TSTD2: variants seen among roughly 807,000 people sequenced by gnomAD.
TSTD2 encodes thiosulfate sulfurtransferase/rhodanese-like domain-containing protein 2.
In TSTD2, 37 loss-of-function variants were observed where a neutral mutation model predicts 47.9. The observed-to-expected ratio is 0.77, with a 90% CI of 0.59 to 1.02. TSTD2 has a LOEUF of 1.02. TSTD2 is among the 50% of genes least tolerant of loss of function. TSTD2 has a pLI of 0.00. For missense variants in TSTD2, 586 were observed against 616.0 expected (o/e 0.95, Z 0.52); for synonymous variants, 201 against 215.9 (o/e 0.93, Z 0.61).
At position 97,600,547 on chromosome 9, in the gene TSTD2, G is replaced by A; in HGVS notation, c.*1922C>T. The A allele has an allele frequency of 1.0e-6, 1 of 985,828 alleles. No homozygotes were observed. Among genetic ancestry groups the A allele is most frequent in the Non-Finnish European group, 1.2e-6 (1 of 830,228 alleles). The allele number at this position is 985,828 out of a possible 1,614,324, so 61.1% of individuals were successfully genotyped here. ...TTTCTATATTGCACAGTGGGCAAAT[G>A]GCTTATGTGAGGTAAGACACTAGAG... On this transcript the variant is annotated 3_prime_UTR_variant, in exon 10 of 10. Transcript: ENST00000341170.
At chr9:97,606,307 C>A (rs767137952) in intron 6 of TSTD2, 46 bp from the exon 7 acceptor site, 10 of 1,254,440 alleles carry the variant, frequency 8.0e-6, no homozygotes, top group South Asian at 2.6e-5. Context: ...GACAAAAAAA[C>A]CAAAACCCAA....
intron 3 of TSTD2, among the ~76,000 whole-genome samples, chr9:97,622,160 G>A (rs1354932009): frequency 6.6e-6 from 1 of 152,198 alleles, no homozygotes; most frequent in African/African-American, 2.4e-5. Flanking sequence ...ATGGTTTCAT[G>A]GGCCAAACCC....
chr9:97,617,705 T>G (rs1826568960), intron 4 of TSTD2, 52 bp downstream of exon 4: 1 of 1,560,352 alleles, frequency 6.4e-7, no homozygotes, highest in South Asian at 1.2e-5. Flanking sequence ...CAATCCAAGG[T>G]TGGCAGGCAA....
At chr9:97,605,928 A>G (rs1826358443) in intron 7 of TSTD2, among the ~76,000 whole-genome samples, 1 of 152,206 alleles carries the variant, frequency 6.6e-6, no homozygotes, top group Non-Finnish European at 1.5e-5. Flanking sequence ...CACAAAGTAT[A>G]TTATGTGCCT....
chr9:97,633,327 A>G lies in TSTD2; in HGVS notation c.-135T>C. 1 of 338,704 alleles carries G rather than the reference A, an allele frequency of 3.0e-6. No individual in the cohort carries two copies. The highest frequency in any genetic ancestry group is 5.3e-6 in the Non-Finnish European group (1 of 188,246). The allele number at this position is 338,704 out of a possible 1,614,324, so 21.0% of individuals were successfully genotyped here. A position where few individuals can be genotyped will look rare whatever the true frequency, so the allele number is the denominator to read the frequency against. On this transcript the variant is annotated 5_prime_UTR_variant, in exon 1 of 10. Transcript: ENST00000341170. ...GTCACTGCTCACCGCCCTCGAGCCTATTCCCCCGCCGCGTATTTGGGTAGA... is the reference window on the plus strand; with the variant it reads ...GTCACTGCTCACCGCCCTCGAGCCTGTTCCCCCGCCGCGTATTTGGGTAGA...
At chr9:97,614,663 A>T (rs572751345) in intron 4 of TSTD2, among the ~76,000 whole-genome samples, 1 of 152,318 alleles carries the variant, frequency 6.6e-6, no homozygotes, top group African/African-American at 2.4e-5. Context: ...GGTGCAGGGA[A>T]GAGCACTCTA....
At chr9:97,629,485 T>C (rs1170577298) in intron 1 of TSTD2, among the ~76,000 whole-genome samples, 1 of 152,250 alleles carries the variant, frequency 6.6e-6, no homozygotes, top group Non-Finnish European at 1.5e-5. Context: ...GGCAAGGTAA[T>C]ACAGATTTAT....
chr9:97,628,526 G>T (rs1328172706), intron 1 of TSTD2, among the ~76,000 whole-genome samples: 3 of 152,028 alleles, frequency 2.0e-5, no homozygotes, highest in South Asian at 2.1e-4. Context: ...ACAAACTAGG[G>T]TTCAATGAAT....
At position 97,614,080 on chromosome 9, in the gene TSTD2, G is replaced by A. The variant is rs773808421; in HGVS notation, c.604-2381C>T. ...CCTGACCTTGTGACCTGCCTGCCTCGGCCTTCCAAAGTGCTGGGATTACAG... is the reference window on the plus strand; with the variant it reads ...CCTGACCTTGTGACCTGCCTGCCTCAGCCTTCCAAAGTGCTGGGATTACAG... On this transcript the variant is annotated intron_variant, in intron 4 of 9. Coordinates refer to ENST00000341170, the MANE Select transcript of TSTD2 (RefSeq NM_139246.5). Among the ~76,000 whole-genome samples the A allele has an allele frequency of 4.6e-5, 7 of 152,094 alleles. No individual in the cohort carries two copies. In the Middle Eastern group the frequency reaches 0.01, roughly 222 times the overall value.
At chr9:97,631,478 C>G (rs568696250) in intron 1 of TSTD2, among the ~76,000 whole-genome samples, 12 of 152,240 alleles carry the variant, frequency 7.9e-5, no homozygotes, top group Admixed American at 2.6e-4. Flanking sequence ...TCTTTACTAC[C>G]ACCCTAGTTC....
At chr9:97,614,490 C>T (rs978074048) in intron 4 of TSTD2, among the ~76,000 whole-genome samples, 1 of 152,076 alleles carries the variant, frequency 6.6e-6, no homozygotes, top group African/African-American at 2.4e-5. Context: ...TTCCTGTCCT[C>T]ATGAAGCTTA....
At chr9:97,611,763 G>A in intron 4 of TSTD2, 64 bp from the exon 5 acceptor site, 2 of 1,538,002 alleles carry the variant, frequency 1.3e-6, no homozygotes, top group African/African-American at 1.4e-5. Context: ...TTCCAGGGAA[G>A]AACAATAGGC....
At chr9:97,629,442 T>C (rs750216082) in intron 1 of TSTD2, among the ~76,000 whole-genome samples, 29 of 152,176 alleles carry the variant, frequency 1.9e-4, no homozygotes, top group Non-Finnish European at 3.8e-4. Flanking sequence ...GGTGCTTTCA[T>C]GGGGCTCAAA....
At chr9:97,627,156 G>T in intron 2 of TSTD2, 1 of 582,678 alleles carries the variant, frequency 1.7e-6, no homozygotes, top group Non-Finnish European at 2.3e-6. Flanking sequence ...TTGACCTGGG[G>T]GGTGGGGAAT....
At chr9:97,626,286 G>A (rs1207131490) in intron 2 of TSTD2, among the ~76,000 whole-genome samples, 5 of 152,152 alleles carry the variant, frequency 3.3e-5, no homozygotes, top group Admixed American at 2.0e-4. Context: ...ACATAATACA[G>A]TTTGGCCTAA....
At chr9:97,606,328 C>A (rs1341848576) in intron 6 of TSTD2, 67 bp from the exon 7 acceptor site, 4 of 877,400 alleles carry the variant, frequency 4.6e-6, no homozygotes, top group African/African-American at 1.7e-5. Context: ...TCATGACTCA[C>A]CCAGCCTGAC....
intron 4 of TSTD2, among the ~76,000 whole-genome samples, chr9:97,613,869 C>T (rs1237931660): frequency 1.3e-5 from 2 of 149,166 alleles, no homozygotes; most frequent in East Asian, 2.0e-4. Flanking sequence ...CGCTGTGTCG[C>T]CCAGACTGCA....
intron 6 of TSTD2, among the ~76,000 whole-genome samples, chr9:97,607,795 T>C (rs1826388774): frequency 6.6e-6 from 1 of 151,968 alleles, no homozygotes; most frequent in African/African-American, 2.4e-5. Flanking sequence ...TCCCAGCTAC[T>C]CAGTAGGCTG....
intron 6 of TSTD2, among the ~76,000 whole-genome samples, chr9:97,608,047 G>A (rs1218290556): frequency 6.6e-6 from 1 of 152,152 alleles, no homozygotes; most frequent in African/African-American, 2.4e-5. Context: ...GCTGGGCGTG[G>A]TGGCGCATGC....
Sources: gnomAD v4.1 joint callset for allele counts (sites outside exome capture counted in the v4.1 genomes callset) on GRCh38, gnomAD v4.1.1 for gene constraint, MANE v1.5 for transcripts, NCBI Gene and HGNC (gene_info 2026-07-23, HGNC 2026-07-21) for gene names.